MCC: variants seen among roughly 807,000 people sequenced by gnomAD.
MCC encodes the protein MCC regulator of Wnt signaling pathway.
In MCC, 90 loss-of-function variants were observed where a neutral mutation model predicts 116.2. The ratio of observed to expected loss-of-function variants is 0.77; its 90% CI spans 0.65 to 0.92. The LOEUF is 0.92. MCC is among the 40% of genes least tolerant of loss of function. The pLI is 0.00. For synonymous variants in MCC, 578 were observed against 510.5 expected (o/e 1.13, Z -1.78); for missense variants, 1,516 against 1,312.2 (o/e 1.16, Z -2.40).
At chr5:113,294,326 T>TA in intron 3 of MCC, 2 of 1,613,820 alleles carry the variant, frequency 1.2e-6, no homozygotes, top group South Asian at 2.2e-5. Flanking sequence ...AGCTGTTTCT[T>TA]ACCTCACTCA....
intron 1 of MCC, among the ~76,000 whole-genome samples, chr5:113,442,216 T>G (rs1344727372): frequency 6.6e-6 from 1 of 152,228 alleles, no homozygotes; most frequent in Admixed American, 6.5e-5. Flanking sequence ...AGATAGTAAC[T>G]CATTGTGGTT....
At chr5:113,339,407 T>TTG (rs1767951897) in intron 3 of MCC, among the ~76,000 whole-genome samples, 1 of 98,440 alleles carries the variant, frequency 1.0e-5, no homozygotes, top group Admixed American at 1.1e-4. Context: ...TAGGCTTCCT[T>TTG]AGTGTGTGTG....
rs116807205 is a variant in MCC at position 113,315,131 on chromosome 5, G to A, written c.627+25388C>T. ...CACGTTCTTGGCAAATAAAGTTTGTGATCCTTACTATTGGCTGAGGTGCTT... is the reference window on the plus strand; with the variant it reads ...CACGTTCTTGGCAAATAAAGTTTGTAATCCTTACTATTGGCTGAGGTGCTT... On this transcript the variant is annotated intron_variant, in intron 3 of 18. Coordinates refer to ENST00000408903, the MANE Select transcript of MCC (RefSeq NM_001085377.2). Among the ~76,000 whole-genome samples the A allele has an allele frequency of 1.8e-3, 271 of 152,308 alleles. 1 individual carries two copies. The highest frequency in any genetic ancestry group is 6.3e-3 in the African/African-American group (260 of 41,564).
At chr5:113,404,892 G>T (rs562024471) in intron 1 of MCC, among the ~76,000 whole-genome samples, 1 of 152,268 alleles carries the variant, frequency 6.6e-6, no homozygotes, top group South Asian at 2.1e-4. Context: ...ATATGTATCT[G>T]CAGGACTTGA....
At chr5:113,167,338 C>A (rs556614069) in intron 3 of MCC, among the ~76,000 whole-genome samples, 1 of 152,144 alleles carries the variant, frequency 6.6e-6, no homozygotes, top group Non-Finnish European at 1.5e-5. Flanking sequence ...GTGAAATTTG[C>A]GCACTTCATT....
At chr5:113,418,199 T>G (rs1168733567) in intron 1 of MCC, among the ~76,000 whole-genome samples, 1 of 151,750 alleles carries the variant, frequency 6.6e-6, no homozygotes, top group African/African-American at 2.4e-5. Context: ...CAAACTCAAA[T>G]CTAATGAACC....
chr5:113,194,044 A>T (rs1762267797), intron 3 of MCC, among the ~76,000 whole-genome samples: 2 of 152,164 alleles, frequency 1.3e-5, no homozygotes, highest in Non-Finnish European at 2.9e-5. Context: ...CAGCTGCACA[A>T]ACTGAAGAAA....
chr5:113,219,216 T>G (rs944089570), intron 3 of MCC, among the ~76,000 whole-genome samples: 4 of 152,194 alleles, frequency 2.6e-5, no homozygotes, highest in African/African-American at 9.7e-5. Context: ...AAGATTTCAT[T>G]TGAACAAAGA....
intron 3 of MCC, among the ~76,000 whole-genome samples, chr5:113,161,508 A>G (rs1760481488): frequency 6.6e-6 from 1 of 152,052 alleles, no homozygotes. Context: ...ACAGATCAGG[A>G]AAGGCCAAAG....
intron 11 of MCC, among the ~76,000 whole-genome samples, chr5:113,081,512 A>G (rs561281580): frequency 6.6e-6 from 1 of 152,274 alleles, no homozygotes; most frequent in South Asian, 2.1e-4. Context: ...CAACTGCCCT[A>G]TTCAAGGTCA....
chr5:113,076,739 A>C (rs1408990443), intron 11 of MCC, among the ~76,000 whole-genome samples: 1 of 152,252 alleles, frequency 6.6e-6, no homozygotes, highest in Admixed American at 6.5e-5. Flanking sequence ...GGCTAGGAAG[A>C]AACTGCATCA....
At chr5:113,395,324 T>A (rs1185282278) in intron 1 of MCC, among the ~76,000 whole-genome samples, 1 of 152,126 alleles carries the variant, frequency 6.6e-6, no homozygotes, top group East Asian at 1.9e-4. Flanking sequence ...CTAGTATATA[T>A]GTATGAAAGG....
intron 11 of MCC, among the ~76,000 whole-genome samples, chr5:113,078,066 A>C (rs62374677): frequency 0.11 from 17,078 of 152,248 alleles, 2,358 homozygotes; most frequent in African/African-American, 0.33. Context: ...AGAAACAGAT[A>C]AATTCCTGGA....
chr5:113,242,208 T>A (rs1252416358), intron 3 of MCC, among the ~76,000 whole-genome samples: 3 of 152,210 alleles, frequency 2.0e-5, no homozygotes, highest in Admixed American at 1.3e-4. Flanking sequence ...ACCATTTGAG[T>A]TCATGTGTGT....
At chr5:113,060,692 A>G (rs981908049) in intron 14 of MCC, among the ~76,000 whole-genome samples, 6 of 152,210 alleles carry the variant, frequency 3.9e-5, no homozygotes, top group African/African-American at 1.4e-4. Context: ...AAAACCATAA[A>G]AAGCATTCCA....
intron 15 of MCC, 121 bp downstream of exon 15, chr5:113,053,604 G>C: frequency 1.5e-6 from 1 of 666,742 alleles, no homozygotes. Flanking sequence ...TATAAACAAG[G>C]GTCTAGCTCT....
chr5:113,228,297 T>C (rs1763820071), intron 3 of MCC, among the ~76,000 whole-genome samples: 2 of 152,062 alleles, frequency 1.3e-5, no homozygotes, highest in East Asian at 3.9e-4. Flanking sequence ...TGCTGTCTCG[T>C]GAGAATGAGT....
chr5:113,361,736 A>G (rs1768553451), intron 2 of MCC, among the ~76,000 whole-genome samples: 1 of 152,210 alleles, frequency 6.6e-6, no homozygotes, highest in Non-Finnish European at 1.5e-5. Flanking sequence ...GCACCATCCA[A>G]TCAGTTGAGG....
intron 8 of MCC, 187 bp downstream of exon 8, chr5:113,101,551 TA>T: frequency 1.7e-6 from 1 of 580,912 alleles, no homozygotes; most frequent in African/African-American, 1.9e-5. Flanking sequence ...TTTTTTTTTT[TA>T]AATCTTACCT....
Sources: allele counts gnomAD v4.1 joint callset (sites outside exome capture counted in the v4.1 genomes callset), GRCh38; gene constraint gnomAD v4.1.1; transcripts MANE v1.5; gene names NCBI Gene and HGNC (gene_info 2026-07-23, HGNC 2026-07-21).